SLC8A1: variants seen among roughly 807,000 people sequenced by gnomAD.
SLC8A1 encodes sodium/calcium exchanger 1.
Under a neutral mutation model 68.3 loss-of-function variants are expected in SLC8A1, and 18 were observed. The ratio of observed to expected loss-of-function variants is 0.26; its 90% confidence interval spans 0.18 to 0.39. The LOEUF (loss-of-function observed/expected upper bound fraction) is 0.39. Among genes scored for constraint, SLC8A1 ranks in the 10% least tolerant of loss-of-function variants. The probability of loss-of-function intolerance (pLI) is 1.00; values close to 1 mark genes in which losing one functional copy is unlikely to be tolerated. For synonymous variants in SLC8A1, 475 were observed against 415.5 expected (o/e 1.14, Z -1.74); for missense variants, 985 against 1,156.7 (o/e 0.85, Z 2.15).
Position 40,165,074 on chromosome 2 carries a change from G to C in SLC8A1, c.1931-90C>G. 4.5e-6 allele frequency: 7 copies of C among 1,557,046 alleles called. No homozygotes were observed. The South Asian group carries it at 5.8e-5, about 13-fold the overall frequency. ...TGCCATAAGAAAGCCAAGGAGGAAGGAAGCCCTAATGACCTACTAAAGCCC... is the reference window on the plus strand; with the variant it reads ...TGCCATAAGAAAGCCAAGGAGGAAGCAAGCCCTAATGACCTACTAAAGCCC... On this transcript the variant is annotated intron_variant, in intron 4 of 7. Transcript: ENST00000406785.
At chr2:40,320,760 T>C (rs1052247634) in intron 2 of SLC8A1, among the ~76,000 whole-genome samples, 62 of 152,144 alleles carry the variant, frequency 4.1e-4, no homozygotes, top group Non-Finnish European at 6.0e-4. Flanking sequence ...CTAAACTTAA[T>C]CTCTTAAGAG....
At chr2:40,168,918 T>C (rs2046997408) in intron 4 of SLC8A1, among the ~76,000 whole-genome samples, 1 of 152,198 alleles carries the variant, frequency 6.6e-6, no homozygotes. Flanking sequence ...AAAGATCAAA[T>C]GCATAATTAA....
At chr2:40,391,190 T>TACACACACATGTATATATA (rs1553562237) in intron 2 of SLC8A1, among the ~76,000 whole-genome samples, 2 of 149,114 alleles carry the variant, frequency 1.3e-5, no homozygotes, top group Non-Finnish European at 3.0e-5. Context: ...TGTATATATA[T>TACACACACATGTATATATA]TACACACACA....
At chr2:40,384,531 A>G (rs1045595380) in intron 2 of SLC8A1, among the ~76,000 whole-genome samples, 1 of 152,130 alleles carries the variant, frequency 6.6e-6, no homozygotes, top group African/African-American at 2.4e-5. Flanking sequence ...CATAGAAGAC[A>G]GAACTAAATT....
chr2:40,463,723 T>C lies in SLC8A1; in HGVS notation c.-24-33419A>G, dbSNP rs538696629. On this transcript the variant is annotated intron_variant, in intron 1 of 7. Coordinates refer to the SLC8A1 transcript ENST00000402441. ...CCAGATTGCTTTTCAGATTGCTTGGTGGAATCTTGTTCTTTTTTTGCCCAT... is the reference window on the plus strand; with the variant it reads ...CCAGATTGCTTTTCAGATTGCTTGGCGGAATCTTGTTCTTTTTTTGCCCAT... Among the ~76,000 whole-genome samples, 8 of 152,174 alleles carry C rather than the reference T, an allele frequency of 5.3e-5. No homozygotes were observed. In the East Asian group the frequency reaches 1.5e-3, roughly 29 times the overall value.
intron 2 of SLC8A1, among the ~76,000 whole-genome samples, chr2:40,281,287 C>T (rs1339697554): frequency 2.6e-5 from 4 of 152,060 alleles, no homozygotes; most frequent in Non-Finnish European, 4.4e-5. Flanking sequence ...GAGAAATGTG[C>T]TCTCAGATGG....
intron 2 of SLC8A1, among the ~76,000 whole-genome samples, chr2:40,200,173 G>GATATATATATATATATATTTATAT (rs1420294461): frequency 2.1e-4 from 1 of 4,752 alleles, no homozygotes; most frequent in African/African-American, 4.7e-4. Flanking sequence ...TCAAGTCATT[G>GATATATATATATATATATTTATAT]ATATATATAT....
chr2:40,167,607 C>T (rs543090598), intron 4 of SLC8A1, among the ~76,000 whole-genome samples: 2 of 152,292 alleles, frequency 1.3e-5, no homozygotes, highest in Admixed American at 6.5e-5. Flanking sequence ...TTGCTACACT[C>T]TTGCTTCAAA....
At chr2:40,488,504 G>A (rs889897867) in intron 1 of SLC8A1, among the ~76,000 whole-genome samples, 5 of 151,878 alleles carry the variant, frequency 3.3e-5, no homozygotes, top group Admixed American at 6.6e-5. Flanking sequence ...AGCCCATTTA[G>A]CACGTGGAGA....
At chr2:40,217,929 A>G (rs977504473) in intron 2 of SLC8A1, among the ~76,000 whole-genome samples, 4 of 89,682 alleles carry the variant, frequency 4.5e-5, no homozygotes, top group African/African-American at 1.5e-4. Context: ...ACATTTCTGT[A>G]TTCTGAGATA....
chr2:40,277,450 G>A (rs955322101), intron 2 of SLC8A1, among the ~76,000 whole-genome samples: 3 of 152,042 alleles, frequency 2.0e-5, no homozygotes, highest in African/African-American at 7.2e-5. Context: ...TGAGGCAGGA[G>A]AATCACTTGA....
Position 40,389,801 on chromosome 2 carries a change from G to T in SLC8A1, c.1808+38672C>A, listed in dbSNP as rs554498015. The stretch of plus-strand genomic sequence containing the variant: ...TTTTATGATGGACACTTAAAAATTT[G>T]GGGAAATATATATATGATATATGAT... On this transcript the variant is annotated intron_variant, in intron 2 of 7. Coordinates refer to ENST00000406785, the Ensembl canonical transcript of SLC8A1. Among the ~76,000 whole-genome samples the T allele has an allele frequency of 4.0e-5, 6 of 149,970 alleles. No homozygotes were observed. In the East Asian group the frequency reaches 9.8e-4, roughly 25 times the overall value.
intron 7 of SLC8A1, chr2:40,117,113 T>G (rs941940170): frequency 6.6e-6 from 1 of 152,216 alleles, no homozygotes. Flanking sequence ...CTGTTTTTGT[T>G]GTTTTGGAAA....
chr2:40,371,885 G>A (rs1678209832), intron 2 of SLC8A1, among the ~76,000 whole-genome samples: 1 of 152,018 alleles, frequency 6.6e-6, no homozygotes, highest in Non-Finnish European at 1.5e-5. Context: ...AACAGAACCA[G>A]GTCCCCAGTT....
chr2:40,495,285 G>C (rs556121132), intron 1 of SLC8A1, among the ~76,000 whole-genome samples: 1 of 152,094 alleles, frequency 6.6e-6, no homozygotes, highest in African/African-American at 2.4e-5. Context: ...TTATAATGTA[G>C]TAGGTCAACA....
intron 2 of SLC8A1, among the ~76,000 whole-genome samples, chr2:40,182,613 C>G (rs1344686763): frequency 6.6e-6 from 1 of 152,180 alleles, no homozygotes; most frequent in Non-Finnish European, 1.5e-5. Flanking sequence ...CTATACTTTA[C>G]TTCCCAGTCT....
intron 2 of SLC8A1, chr2:40,251,092 C>G (rs1026496832): frequency 6.6e-6 from 1 of 151,690 alleles, no homozygotes; most frequent in African/African-American, 2.4e-5. Context: ...TTTTAAGAGC[C>G]CCTGAAAATA....
chr2:40,133,146 CAGTA>C (rs909413843), intron 7 of SLC8A1, among the ~76,000 whole-genome samples: 18 of 152,242 alleles, frequency 1.2e-4, no homozygotes, highest in African/African-American at 3.6e-4. Context: ...TAAAGCCATG[CAGTA>C]AGTAAGGGTT....
At chr2:40,382,616 G>A (rs1407461360) in intron 2 of SLC8A1, among the ~76,000 whole-genome samples, 2 of 151,946 alleles carry the variant, frequency 1.3e-5, no homozygotes, top group Admixed American at 6.6e-5. Flanking sequence ...ATAAAAGACT[G>A]GGCAAAATAT....
Sources: gnomAD v4.1 joint callset for allele counts (sites outside exome capture counted in the v4.1 genomes callset) on GRCh38, gnomAD v4.1.1 for gene constraint, MANE v1.5 for transcripts, NCBI Gene and HGNC (gene_info 2026-07-23, HGNC 2026-07-21) for gene names.